Variants in NXF3 observed in about 807,000 individuals in gnomAD.
The protein encoded by NXF3 is TAP-like protein 3.
NXF3 carries 34 observed loss-of-function variants against 48.4 expected under a neutral mutation model. The ratio of observed to expected loss-of-function variants is 0.70; its 90% CI spans 0.53 to 0.93. The LOEUF is 0.93. NXF3 is among the 40% of genes least tolerant of loss of function. The pLI is 0.00. For missense variants in NXF3, 359 were observed against 406.1 expected, an observed-to-expected ratio of 0.88 and a Z score of 1.00; for synonymous variants, 132 against 145.7, an observed-to-expected ratio of 0.91 and a Z score of 0.68.
Position 103,080,172 on chromosome X carries a change from G to A in NXF3, c.972C>T (p.Ala324=), listed in dbSNP as rs759646820. The stretch of plus-strand genomic sequence containing the variant: ...CCTTACAGGTTGGTAACCTCTTGTG[G>A]GCTTCAGTACCACATAAAGTTGCTC... ...SPRATLCGTE[A]HKRLPTCKGS... The change falls in exon 11 of 20, where the codon GCC becomes GCT. Residue 324 remains alanine (A), a synonymous_variant. Transcript: ENST00000395065. 8.3e-7 allele frequency: 1 copy of A among 1,211,421 alleles called. No individual in the cohort carries two copies. The highest frequency in any genetic ancestry group is 1.1e-6 in the Non-Finnish European group (1 of 895,428).
At chrX:103,091,197 C>T (rs1247947715) in intron 1 of NXF3, among the ~76,000 whole-genome samples, 2 of 111,532 alleles carry the variant, frequency 1.8e-5, no homozygotes, top group Non-Finnish European at 3.8e-5. Context: ...CTAAGTGATG[C>T]TACTATACTT....
intron 1 of NXF3, chrX:103,088,585 T>C: frequency 9.4e-7 from 1 of 1,061,745 alleles, no homozygotes; most frequent in Non-Finnish European, 1.3e-6. Context: ...AGTGTGGTTT[T>C]TCAGTTCCAA....
At chrX:103,077,042 G>A (rs999959378) in intron 18 of NXF3, among the ~76,000 whole-genome samples, 1 of 110,704 alleles carries the variant, frequency 9.0e-6, no homozygotes, top group Middle Eastern at 4.7e-3. Flanking sequence ...CATTTTTCTC[G>A]ATTGACAGAA....
At chrX:103,080,282 G>T in intron 10 of NXF3, 66 bp from the exon 11 acceptor site, 2 of 1,041,789 alleles carry the variant, frequency 1.9e-6, no homozygotes, top group African/African-American at 1.8e-5. Context: ...TACGGAAAAG[G>T]ATAGACCCAG....
Position 103,084,387 on chromosome X carries a change from C to T in NXF3, c.306G>A (p.Glu102=), listed in dbSNP as rs773484917. 8.3e-7 allele frequency: 1 copy of T among 1,211,662 alleles called. No individual in the cohort carries two copies. The highest frequency in any genetic ancestry group is 1.8e-5 in the South Asian group (1 of 56,956). Residue 102 remains glutamate (E), a synonymous_variant, in exon 3 of 20, where the codon GAG becomes GAA. Transcript: ENST00000395065. ...CTAAGGTCCCATCCGGCATGTTCCC[C>T]TCCATTCTTCTCTCTGGAGGTTTTT... ...REQKPPERRM[E]GNMPDGTLGS...
At position 103,084,734 on chromosome X, in the gene NXF3, T is replaced by C. The variant is rs201068137; in HGVS notation, c.178A>G (p.Met60Val). Residue 60 changes from methionine to valine, a missense_variant, in exon 2 of 20, where the codon ATG (methionine) becomes GTG (valine). By Grantham distance (21) the Met-to-Val change is conservative (BLOSUM62 1). Transcript: ENST00000395065. ...DGDAAMHGAH[M>V]DSPVRYTPYT... ...ACTTACTATCTTACTGGAGAGTCCA[T>C]GTGGGCACCATGCATTGCTGCATCT... The C allele has an allele frequency of 8.8e-5, 107 of 1,210,311 alleles. No homozygotes were observed. The highest frequency in any genetic ancestry group is 1.2e-4 in the Non-Finnish European group (104 of 895,289).
In NXF3 at chrX:103,090,053, G is replaced by C. The variant is rs192184625; in HGVS notation, c.28+2943C>G. Reference sequence around the variant, plus strand: ...CCATAGTCTTTTTCATAATATGTATGCAGTTTTATCTTTTCAGAGGAATAA... The same window carrying C: ...CCATAGTCTTTTTCATAATATGTATCCAGTTTTATCTTTTCAGAGGAATAA... On this transcript the variant is annotated intron_variant, in intron 1 of 19. Coordinates refer to ENST00000395065, the MANE Select transcript of NXF3 (RefSeq NM_022052.2). Among the ~76,000 whole-genome samples the C allele has an allele frequency of 2.7e-5, 3 of 111,182 alleles. No individual in the cohort carries two copies. In the East Asian group the frequency reaches 8.4e-4, roughly 31 times the overall value.
At chrX:103,086,901 G>A (rs1242128695) in intron 1 of NXF3, among the ~76,000 whole-genome samples, 2 of 111,894 alleles carry the variant, frequency 1.8e-5, no homozygotes. Flanking sequence ...AAGCAGGTGC[G>A]CGCACTGCCT....
At chrX:103,081,270 G>A (rs1329560754) in intron 9 of NXF3, 1 of 112,811 alleles carries the variant, frequency 8.9e-6, no homozygotes, top group Non-Finnish European at 1.9e-5. Flanking sequence ...GGATGCAGCT[G>A]GAGCCTTTCT....
In NXF3 at chrX:103,079,771, G is replaced by T; in HGVS notation, c.1152C>A (p.Asp384Glu). The change falls in exon 13 of 20, where the codon GAC becomes GAA. Residue 384 changes from aspartate to glutamate, a missense_variant. By Grantham distance (45) the Asp-to-Glu change is conservative. Transcript: ENST00000395065. ...GGAGCTGTGATACTCACGGGGCTGA[G>T]TCCTCAGGATTGAAGGGAATGCTCA... The part of the protein sequence containing the change: ...FSLSIPFNPE[D>E]SAPSSFCKFF... 1 of 1,210,352 alleles carries T rather than the reference G, an allele frequency of 8.3e-7. No individual in the cohort carries two copies.
At position 103,075,917 on chromosome X, in the gene NXF3, G is replaced by A; in HGVS notation, c.*133C>T. The A allele has an allele frequency of 4.5e-6, 1 of 223,958 alleles. No individual in the cohort carries two copies. The highest frequency in any genetic ancestry group is 7.9e-5 in the East Asian group (1 of 12,683). The allele number at this position is 223,958 out of a possible 1,213,427, so 18.5% of individuals were successfully genotyped here. ...GTGCACAGAACAACTGGCCCCTTTG[G>A]AAGGATGAGAGTCAGCCCTGTGAGT... On this transcript the variant is annotated 3_prime_UTR_variant, in exon 20 of 20. Transcript: ENST00000395065.
chrX:103,085,976 T>C (rs1922143956), intron 1 of NXF3, among the ~76,000 whole-genome samples: 1 of 108,706 alleles, frequency 9.2e-6, no homozygotes, highest in Non-Finnish European at 1.9e-5. Flanking sequence ...TTCTCCACTG[T>C]TCCCTCTCCT....
At chrX:103,079,189 G>A (rs761875904) in intron 16 of NXF3, 32 bp downstream of exon 16, 1 of 1,195,888 alleles carries the variant, frequency 8.4e-7, no homozygotes, top group African/African-American at 1.8e-5. Context: ...GAGGAGTGGG[G>A]GATCTGGGGA....
At chrX:103,079,310 C>T in intron 15 of NXF3, 47 bp from the exon 16 acceptor site, 1 of 1,208,402 alleles carries the variant, frequency 8.3e-7, no homozygotes, top group Non-Finnish European at 1.1e-6. Context: ...TAACCTCCTA[C>T]CCACCTCTGG....
chrX:103,081,417 C>G, intron 9 of NXF3: 1 of 112,504 alleles, frequency 8.9e-6, no homozygotes, highest in East Asian at 2.8e-4. Context: ...CCTCTCCCGA[C>G]CACTGCATTC....
rs1922115713 is a variant in NXF3 at position 103,085,221 on chromosome X, A to G, written c.29-338T>C. Among the ~76,000 whole-genome samples, 5 of 111,838 alleles carry G rather than the reference A, an allele frequency of 4.5e-5. No individual in the cohort carries two copies. In the South Asian group the frequency reaches 1.9e-3, roughly 42 times the overall value. On this transcript the variant is annotated intron_variant, in intron 1 of 19. Coordinates refer to ENST00000395065, the MANE Select transcript of NXF3 (RefSeq NM_022052.2). ...AGAAATATATCACAGTGCCAAAAAA[A>G]GTTGAAAGACTTCACTGTGGTTTCA... is the stretch of plus-strand genomic sequence containing the variant.
At chrX:103,084,026 C>T (rs1922083270) in intron 3 of NXF3, among the ~76,000 whole-genome samples, 1 of 111,036 alleles carries the variant, frequency 9.0e-6, no homozygotes, top group Non-Finnish European at 1.9e-5. Flanking sequence ...TGACAAGGAC[C>T]CCACTAATTC....
At position 103,079,974 on chromosome X, in the gene NXF3, C is replaced by T. The variant is rs768620043; in HGVS notation, c.1052+39G>A. 5.8e-6 allele frequency: 7 copies of T among 1,202,177 alleles called. No homozygotes were observed. The South Asian group carries it at 1.2e-4, about 21-fold the overall frequency. On this transcript the variant is annotated intron_variant, in intron 12 of 19. Coordinates refer to ENST00000395065, the MANE Select transcript of NXF3 (RefSeq NM_022052.2). ...CTTGTACTTGGGTAAATTCATCTGA[C>T]CTAGCCTTCTCTTGCCTCAGATTCC...
At chrX:103,082,223 G>A in intron 9 of NXF3, 32 bp downstream of exon 9, 1 of 1,010,666 alleles carries the variant, frequency 9.9e-7, no homozygotes. Context: ...CACAGGTCAG[G>A]GTCCCAGGTG....
Sources: gnomAD v4.1 joint callset for allele counts (sites outside exome capture counted in the v4.1 genomes callset) on GRCh38, gnomAD v4.1.1 for gene constraint, MANE v1.5 for transcripts, NCBI Gene and HGNC (gene_info 2026-07-23, HGNC 2026-07-21) for gene names.